The following CACNB2 variants were observed in gnomAD, a reference collection of about 807,000 sequenced individuals.
The protein encoded by CACNB2 is voltage-dependent L-type calcium channel subunit beta-2.
Under a neutral mutation model 73.3 loss-of-function variants are expected in CACNB2, and 42 were observed. That is an observed-to-expected ratio of 0.57 (90% confidence interval 0.45 to 0.74). The LOEUF is 0.74. Among genes scored for constraint, CACNB2 ranks in the 30% least tolerant of loss-of-function variants. CACNB2 has a pLI of 0.00. For synonymous variants in CACNB2, 348 were observed against 310.3 expected (o/e 1.12, Z -1.28); for missense variants, 940 against 853.0 (o/e 1.10, Z -1.27).
intron 3 of CACNB2, among the ~76,000 whole-genome samples, chr10:18,412,397 C>T (rs761958821): frequency 4.7e-4 from 71 of 152,126 alleles, no homozygotes; most frequent in Non-Finnish European, 5.7e-4. Context: ...CAACGCTGTC[C>T]TCCCTTCTGT....
At chr10:18,293,127 G>A (rs2039135718) in intron 2 of CACNB2, among the ~76,000 whole-genome samples, 1 of 152,076 alleles carries the variant, frequency 6.6e-6, no homozygotes, top group Non-Finnish European at 1.5e-5. Context: ...TTCTTTAAGA[G>A]TACTTAATTA....
At chr10:18,484,582 G>A (rs1020040775) in intron 3 of CACNB2, among the ~76,000 whole-genome samples, 1 of 152,092 alleles carries the variant, frequency 6.6e-6, no homozygotes, top group Non-Finnish European at 1.5e-5. Flanking sequence ...TCAAATTAGT[G>A]TGAACCCAGA....
At chr10:18,530,865 C>T (rs1322842292) in intron 10 of CACNB2, among the ~76,000 whole-genome samples, 2 of 152,178 alleles carry the variant, frequency 1.3e-5, no homozygotes, top group African/African-American at 4.8e-5. Context: ...ATGTTACCCA[C>T]TGGCCATAAA....
At chr10:18,497,117 C>A (rs1014488407) in intron 3 of CACNB2, among the ~76,000 whole-genome samples, 1 of 148,030 alleles carries the variant, frequency 6.8e-6, no homozygotes, top group Non-Finnish European at 1.5e-5. Context: ...GAGGCTGAAG[C>A]AGGAGAATCA....
chr10:18,376,692 C>A (rs2042811516), intron 2 of CACNB2, among the ~76,000 whole-genome samples: 1 of 151,992 alleles, frequency 6.6e-6, no homozygotes, highest in Non-Finnish European at 1.5e-5. Flanking sequence ...ACTATCTCTG[C>A]CTAGAGGGGA....
intron 5 of CACNB2, among the ~76,000 whole-genome samples, chr10:18,501,689 G>A (rs970217981): frequency 3.9e-5 from 6 of 152,224 alleles, no homozygotes; most frequent in Admixed American, 1.3e-4. Flanking sequence ...TCTTAAATAC[G>A]AATCGCTGGA....
At chr10:18,209,228 G>T (rs916623037) in intron 2 of CACNB2, among the ~76,000 whole-genome samples, 3 of 152,040 alleles carry the variant, frequency 2.0e-5, no homozygotes, top group African/African-American at 7.3e-5. Flanking sequence ...TTAATCATAT[G>T]CCTTAGGCAA....
chr10:18,372,341 A>G (rs1428292715), intron 2 of CACNB2, among the ~76,000 whole-genome samples: 1 of 152,110 alleles, frequency 6.6e-6, no homozygotes, highest in African/African-American at 2.4e-5. Context: ...TTTTAGGTCT[A>G]ACATGTAAGT....
intron 3 of CACNB2, among the ~76,000 whole-genome samples, chr10:18,490,412 C>A (rs1198632404): frequency 6.6e-6 from 1 of 152,144 alleles, no homozygotes; most frequent in African/African-American, 2.4e-5. Flanking sequence ...GAAAAGGAAT[C>A]AATTCCTTTT....
intron 5 of CACNB2, among the ~76,000 whole-genome samples, chr10:18,503,976 T>C (rs781585960): frequency 2.0e-5 from 3 of 152,228 alleles, no homozygotes; most frequent in Non-Finnish European, 4.4e-5. Context: ...TTTTGTAGAA[T>C]ACATTTTGGA....
At position 18,509,285 on chromosome 10, in the gene CACNB2, T is replaced by C. The variant is rs376309514; in HGVS notation, c.670+2738T>C. 1.8e-4 allele frequency among the ~76,000 whole-genome samples: 27 copies of C among 152,330 alleles called. 1 individual carries two copies. The South Asian group carries it at 5.0e-3, about 28-fold the overall frequency. The stretch of plus-strand genomic sequence containing the variant: ...CGTTTCCAAAGGTCTCATCTATTAT[T>C]CTCCTCACTCATTGCCAGACCAAAG... On this transcript the variant is annotated intron_variant, in intron 6 of 13. Transcript: ENST00000324631.
chr10:18,391,891 G>GCA (rs1275803776), intron 2 of CACNB2, among the ~76,000 whole-genome samples: 2 of 127,072 alleles, frequency 1.6e-5, no homozygotes, highest in East Asian at 2.6e-4. Context: ...TTGTGCCACT[G>GCA]CACTCCAGCC....
chr10:18,514,051 CATTAG>C (rs1479068148), intron 6 of CACNB2, among the ~76,000 whole-genome samples, 180 bp from the exon 7 acceptor site: 1 of 152,066 alleles, frequency 6.6e-6, no homozygotes, highest in African/African-American at 2.4e-5. Flanking sequence ...CTTTCAGTTT[CATTAG>C]ATTTGATTAC....
intron 2 of CACNB2, among the ~76,000 whole-genome samples, chr10:18,330,311 G>T (rs1007227880): frequency 2.6e-5 from 4 of 152,014 alleles, no homozygotes; most frequent in South Asian, 2.1e-4. Context: ...CAATTATCGG[G>T]TCTATTCCTT....
At chr10:18,414,133 C>A (rs2044795910) in intron 3 of CACNB2, among the ~76,000 whole-genome samples, 1 of 152,248 alleles carries the variant, frequency 6.6e-6, no homozygotes, top group Non-Finnish European at 1.5e-5. Flanking sequence ...CTTGATCTCA[C>A]AGCAGTTGCC....
chr10:18,192,324 A>T (rs2034439948), intron 2 of CACNB2, among the ~76,000 whole-genome samples: 1 of 152,080 alleles, frequency 6.6e-6, no homozygotes, highest in Non-Finnish European at 1.5e-5. Flanking sequence ...TTTATGTAAC[A>T]TACAATTAAT....
intron 2 of CACNB2, among the ~76,000 whole-genome samples, chr10:18,235,102 C>T (rs1251380593): frequency 6.7e-6 from 1 of 149,222 alleles, no homozygotes; most frequent in East Asian, 2.0e-4. Context: ...GGGATCACGC[C>T]ACTGCACTCC....
In CACNB2 at chr10:18,239,509, G is replaced by A. The variant is rs200538273; in HGVS notation, c.213+88534G>A. ...AGGGTTGGGTAGTATTCCCTGGTGTGCGTATATGTGTGCATGTGTAAGTAG... is the reference window on the plus strand; with the variant it reads ...AGGGTTGGGTAGTATTCCCTGGTGTACGTATATGTGTGCATGTGTAAGTAG... On this transcript the variant is annotated intron_variant, in intron 2 of 13. Transcript: ENST00000324631. Among the ~76,000 whole-genome samples, 4 of 152,114 alleles carry A rather than the reference G, an allele frequency of 2.6e-5. No individual in the cohort carries two copies. In the East Asian group the frequency reaches 7.7e-4, roughly 29 times the overall value.
intron 2 of CACNB2, among the ~76,000 whole-genome samples, chr10:18,169,670 G>C (rs1025363475): frequency 1.3e-5 from 2 of 152,052 alleles, no homozygotes; most frequent in Non-Finnish European, 2.9e-5. Flanking sequence ...CACTTTATTG[G>C]GAACTCATAC....
Sources: gnomAD v4.1 joint callset for allele counts (sites outside exome capture counted in the v4.1 genomes callset) on GRCh38, gnomAD v4.1.1 for gene constraint, MANE v1.5 for transcripts, NCBI Gene and HGNC (gene_info 2026-07-23, HGNC 2026-07-21) for gene names.